DNAH5: variants seen among roughly 807,000 people sequenced by gnomAD.
The protein encoded by DNAH5 is dynein axonemal heavy chain 5, also known as axonemal beta dynein heavy chain 5.
Under a neutral mutation model 518.2 loss-of-function variants are expected in DNAH5, and 372 were observed. That is an observed-to-expected ratio of 0.72 (90% CI 0.66 to 0.78). The LOEUF (loss-of-function observed/expected upper bound fraction) is 0.78. Among genes scored for constraint, DNAH5 ranks in the 30% least tolerant of loss-of-function variants. The pLI is 0.00. For synonymous variants in DNAH5, 2,039 were observed against 2,025.9 expected, an observed-to-expected ratio of 1.01 and a Z score of -0.17; for missense variants, 5,523 against 5,687.0, an observed-to-expected ratio of 0.97 and a Z score of 0.93.
chr5:13,880,639 T>A (rs1053615466), intron 21 of DNAH5, among the ~76,000 whole-genome samples: 1 of 151,716 alleles, frequency 6.6e-6, no homozygotes, highest in Non-Finnish European at 1.5e-5. Context: ...ATAATTAGTA[T>A]AAGATGTTTT....
rs190963771 is a variant in DNAH5, at chr5:13,856,349, A to G, written c.4950+3103T>C. Among the ~76,000 whole-genome samples, 58 of 152,340 alleles carry G rather than the reference A, an allele frequency of 3.8e-4. 1 individual carries two copies. Among genetic ancestry groups the G allele is most frequent in the African/African-American group, 1.4e-3 (57 of 41,584 alleles). ...TGATCCCACAGAAATACAAACTGCC[A>G]TCAGAGAATACTATAAACACCTCTA... On this transcript the variant is annotated intron_variant, in intron 30 of 78. Transcript: ENST00000265104.
chr5:13,929,256 C>G (rs1476944407), intron 2 of DNAH5, among the ~76,000 whole-genome samples: 1 of 152,158 alleles, frequency 6.6e-6, no homozygotes, highest in Admixed American at 6.5e-5. Flanking sequence ...CTGCATGACT[C>G]CACTTGTGTG....
intron 53 of DNAH5, among the ~76,000 whole-genome samples, chr5:13,778,962 A>G (rs1340734106): frequency 1.3e-5 from 2 of 152,220 alleles, no homozygotes; most frequent in African/African-American, 4.8e-5. Flanking sequence ...ACTGTGGTGC[A>G]GTAAAAGTCA....
chr5:13,699,395 C>T (rs143885922), intron 78 of DNAH5, among the ~76,000 whole-genome samples: 145 of 152,226 alleles, frequency 9.5e-4, no homozygotes, highest in African/African-American at 3.1e-3. Flanking sequence ...AACTATTAGA[C>T]ATCCAGCAAA....
At chr5:13,888,783 C>CT (rs757852119) in intron 17 of DNAH5, among the ~76,000 whole-genome samples, 86 of 152,308 alleles carry the variant, frequency 5.6e-4, no homozygotes, top group Admixed American at 1.0e-3. Context: ...AGGCCATACT[C>CT]TCTGACACAA....
chr5:13,975,058 T>C (rs1375145202), intron 1 of DNAH5, among the ~76,000 whole-genome samples: 1 of 152,142 alleles, frequency 6.6e-6, no homozygotes, highest in Non-Finnish European at 1.5e-5. Flanking sequence ...GGGGCGTTGA[T>C]GAACTTGGGC....
intron 47 of DNAH5, among the ~76,000 whole-genome samples, chr5:13,802,103 A>G (rs773238754): frequency 1.3e-5 from 2 of 152,212 alleles, no homozygotes; most frequent in Non-Finnish European, 2.9e-5. Flanking sequence ...AAGGACTTGC[A>G]CTAAGGACAT....
At chr5:14,004,134 C>T (rs907002748) in intron 1 of DNAH5, among the ~76,000 whole-genome samples, 12 of 152,204 alleles carry the variant, frequency 7.9e-5, no homozygotes, top group African/African-American at 2.4e-4. Flanking sequence ...AGAAATGCTT[C>T]GAATATTGCT....
At chr5:13,943,405 T>C (rs1433481324) in intron 1 of DNAH5, among the ~76,000 whole-genome samples, 4 of 152,224 alleles carry the variant, frequency 2.6e-5, no homozygotes, top group Admixed American at 2.0e-4. Context: ...GCTGACAGGG[T>C]ACAGGAAGGA....
chr5:13,888,028 G>A (rs957924217), intron 17 of DNAH5, among the ~76,000 whole-genome samples: 1 of 152,126 alleles, frequency 6.6e-6, no homozygotes, highest in African/African-American at 2.4e-5. Flanking sequence ...CATACTCAAA[G>A]AATGACCTTG....
intron 65 of DNAH5, among the ~76,000 whole-genome samples, chr5:13,739,859 T>A (rs1320252855): frequency 6.6e-6 from 1 of 152,158 alleles, no homozygotes; most frequent in Non-Finnish European, 1.5e-5. Flanking sequence ...TACTACTCCA[T>A]GAATTACATT....
At chr5:13,899,909 C>T (rs1438027121) in intron 15 of DNAH5, 1 of 371,628 alleles carries the variant, frequency 2.7e-6, no homozygotes, top group Non-Finnish European at 4.9e-6. Context: ...ATTTTCCACC[C>T]AGCAGTAAGA....
At chr5:13,821,761 C>T (rs924623445) in intron 40 of DNAH5, among the ~76,000 whole-genome samples, 11 of 152,136 alleles carry the variant, frequency 7.2e-5, no homozygotes, top group Non-Finnish European at 1.5e-4. Flanking sequence ...CGTAAGTCAT[C>T]ATATCAACTA....
intron 52 of DNAH5, among the ~76,000 whole-genome samples, chr5:13,784,894 A>C (rs137956823): frequency 1.3e-5 from 2 of 152,156 alleles, no homozygotes; most frequent in Non-Finnish European, 2.9e-5. Context: ...TGTCCTAAAA[A>C]TGGATACGGT....
intron 1 of DNAH5, among the ~76,000 whole-genome samples, chr5:13,966,725 G>A (rs1286675656): frequency 1.3e-5 from 2 of 152,050 alleles, no homozygotes; most frequent in Non-Finnish European, 2.9e-5. Flanking sequence ...TTTTCTTGCC[G>A]ATTTGTTCGA....
At chr5:13,886,347 A>G (rs1171460839) in intron 17 of DNAH5, among the ~76,000 whole-genome samples, 1 of 151,596 alleles carries the variant, frequency 6.6e-6, no homozygotes, top group Non-Finnish European at 1.5e-5. Context: ...GTGTAGATGG[A>G]CCAAAATTAC....
In DNAH5 at chr5:13,777,333, T is replaced by A; in HGVS notation, c.8974A>T (p.Met2992Leu). The A allele has an allele frequency of 6.2e-7, 1 of 1,613,336 alleles. No individual in the cohort carries two copies. The highest frequency in any genetic ancestry group is 1.1e-5 in the South Asian group (1 of 91,068). Residue 2992 changes from methionine (M) to leucine (L), a missense_variant, in exon 54 of 79, where the codon ATG (methionine) becomes TTG (leucine). Coordinates refer to ENST00000265104, the MANE Select transcript of DNAH5 (RefSeq NM_001369.3). ...CGATACAAAACCTTCAGATCTTCCA[T>A]CAGATTTGATGTGTTGTAGGATCTA... ...LTRSYNTSNL[M>L]EDLKVLYRTA...
chr5:13,809,603 A>C (rs1760263999), intron 45 of DNAH5, among the ~76,000 whole-genome samples: 1 of 152,176 alleles, frequency 6.6e-6, no homozygotes, highest in Non-Finnish European at 1.5e-5. Context: ...TTATACACCC[A>C]CATATATGTA....
At position 13,944,460 on chromosome 5, in the gene DNAH5, T is replaced by A. The variant is rs543050011; in HGVS notation, c.-22A>T. 1.2e-6 allele frequency: 2 copies of A among 1,610,846 alleles called. No individual in the cohort carries two copies. Among genetic ancestry groups the A allele is most frequent in the Admixed American group, 1.7e-5 (1 of 60,008 alleles). On this transcript the variant is annotated 5_prime_UTR_variant, in exon 1 of 79. Coordinates refer to ENST00000265104, the MANE Select transcript of DNAH5 (RefSeq NM_001369.3). ...ACATTGTAGCCGTGCATGGACAGGC[T>A]GGAGTCAGCTCTTCCGGAATGGTCT...
Sources: gnomAD v4.1 joint callset for allele counts (sites outside exome capture counted in the v4.1 genomes callset) on GRCh38, gnomAD v4.1.1 for gene constraint, MANE v1.5 for transcripts, NCBI Gene and HGNC (gene_info 2026-07-23, HGNC 2026-07-21) for gene names.